MYO9A: variants seen among roughly 807,000 people sequenced by gnomAD.
MYO9A encodes the protein unconventional myosin-IXa.
MYO9A carries 103 observed loss-of-function variants against 293.3 expected under a neutral mutation model. The ratio of observed to expected loss-of-function variants is 0.35; its 90% CI spans 0.30 to 0.41. The LOEUF (loss-of-function observed/expected upper bound fraction) is 0.41. MYO9A is among the 10% of genes least tolerant of loss of function. The pLI is 1.00. For missense variants in MYO9A, 2,685 were observed against 3,033.0 expected, an observed-to-expected ratio of 0.89 and a Z score of 2.69; for synonymous variants, 1,001 against 1,035.7, an observed-to-expected ratio of 0.97 and a Z score of 0.64.
At chr15:72,085,768 C>A (rs1596539473) in intron 1 of MYO9A, among the ~76,000 whole-genome samples, 1 of 152,316 alleles carries the variant, frequency 6.6e-6, no homozygotes, top group Non-Finnish European at 1.5e-5. Context: ...TTCCTTCAAT[C>A]TTTGAAGATG....
intron 1 of MYO9A, among the ~76,000 whole-genome samples, chr15:72,078,630 AT>A (rs2079444029): frequency 6.6e-6 from 1 of 152,348 alleles, no homozygotes; most frequent in African/African-American, 2.4e-5. Flanking sequence ...CCTGGGCAAT[AT>A]GGTGAGAAAC....
chr15:71,883,385 T>C (rs533221843), intron 28 of MYO9A, among the ~76,000 whole-genome samples: 20 of 152,316 alleles, frequency 1.3e-4, no homozygotes, highest in African/African-American at 2.2e-4. Flanking sequence ...TGCTGCTTCA[T>C]TGTTTTGTGA....
chr15:71,912,845 T>C (rs141314792), intron 19 of MYO9A, among the ~76,000 whole-genome samples: 2 of 152,342 alleles, frequency 1.3e-5, no homozygotes, highest in East Asian at 3.9e-4. Context: ...ATGGCTTTGA[T>C]AGTTTCTGAT....
intron 38 of MYO9A, 101 bp downstream of exon 38, chr15:71,849,935 C>CCGAATTTA: frequency 3.2e-6 from 3 of 944,176 alleles, no homozygotes; most frequent in Non-Finnish European, 2.9e-6. Context: ...TTAAAAACAC[C>CCGAATTTA]TGAATTTATG....
chr15:72,071,950 G>C (rs1207504579), intron 1 of MYO9A, among the ~76,000 whole-genome samples: 1 of 150,000 alleles, frequency 6.7e-6, no homozygotes, highest in South Asian at 2.1e-4. Flanking sequence ...TATGCCTGTA[G>C]TCCCAGCTAT....
At chr15:72,105,523 T>G (rs1042113521) in intron 1 of MYO9A, among the ~76,000 whole-genome samples, 7 of 150,392 alleles carry the variant, frequency 4.7e-5, no homozygotes, top group African/African-American at 1.5e-4. Context: ...TTTTTTTTTT[T>G]TTTGAGACAG....
chr15:71,903,809 G>T, intron 21 of MYO9A, 120 bp downstream of exon 21: 1 of 827,616 alleles, frequency 1.2e-6, no homozygotes. Flanking sequence ...TATACAAAAC[G>T]TGAAATGGAA....
chr15:72,045,043 TC>T (rs1456085778), intron 2 of MYO9A: 4 of 152,236 alleles, frequency 2.6e-5, no homozygotes, highest in Admixed American at 2.0e-4. Context: ...CTTCATCTTC[TC>T]ACATCTATCA....
chr15:71,852,199 T>C lies in MYO9A; in HGVS notation c.6408A>G (p.Gln2136=). ...NIHVIASVFK[Q]WLRDLPNPLM... is the part of the protein sequence containing the mutation. ...GAGGATTGGGCAAATCTCGAAGCCA[T>C]TGTTTGAATACACTTGCAATGACGT... The change falls in exon 36 of 42, where the codon CAA becomes CAG. Residue 2136 remains glutamine (Q), a synonymous_variant. Transcript: ENST00000356056. 3 of 1,613,628 alleles carry C rather than the reference T, an allele frequency of 1.9e-6. No homozygotes were observed. The highest frequency in any genetic ancestry group is 2.2e-5 in the South Asian group (2 of 91,044).
chr15:71,845,167 T>C (rs2055329304), intron 39 of MYO9A, among the ~76,000 whole-genome samples: 1 of 152,186 alleles, frequency 6.6e-6, no homozygotes, highest in Non-Finnish European at 1.5e-5. Context: ...AGAGATCCTT[T>C]ATCCAAGGCT....
chr15:72,063,058 G>A (rs1389961411), intron 1 of MYO9A, among the ~76,000 whole-genome samples: 2 of 152,122 alleles, frequency 1.3e-5, no homozygotes, highest in African/African-American at 4.8e-5. Flanking sequence ...AACAACAGAC[G>A]AATGAAACAG....
At chr15:71,862,436 G>C in intron 33 of MYO9A, 64 bp downstream of exon 33, 1 of 1,280,856 alleles carries the variant, frequency 7.8e-7, no homozygotes, top group Non-Finnish European at 1.1e-6. Flanking sequence ...GGAGATATAA[G>C]ACAACTCAAG....
At chr15:71,849,777 G>A (rs1270397814) in intron 38 of MYO9A, among the ~76,000 whole-genome samples, 1 of 151,836 alleles carries the variant, frequency 6.6e-6, no homozygotes. Flanking sequence ...TGGTAAAATG[G>A]AAATTTAAAA....
At chr15:72,065,645 T>G (rs2150069825) in intron 1 of MYO9A, among the ~76,000 whole-genome samples, 1 of 151,802 alleles carries the variant, frequency 6.6e-6, no homozygotes, top group Admixed American at 6.6e-5. Flanking sequence ...ATTAAGAACT[T>G]CTATTCAATT....
At chr15:72,010,497 T>C in intron 6 of MYO9A, 50 bp from the exon 7 acceptor site, 1 of 1,474,032 alleles carries the variant, frequency 6.8e-7, no homozygotes, top group Non-Finnish European at 9.3e-7. Context: ...TATTTTAAAA[T>C]AATGTGGGCC....
chr15:72,005,933 C>G (rs1201527717), intron 8 of MYO9A, among the ~76,000 whole-genome samples: 1 of 152,128 alleles, frequency 6.6e-6, no homozygotes, highest in African/African-American at 2.4e-5. Flanking sequence ...TTTAAAAAAG[C>G]AAGTTATTCA....
At chr15:72,101,338 CG>C (rs2080308331) in intron 1 of MYO9A, among the ~76,000 whole-genome samples, 1 of 78,502 alleles carries the variant, frequency 1.3e-5, no homozygotes, top group South Asian at 4.3e-4. Flanking sequence ...GGAGGGAGGT[CG>C]GGGCGTCAGC....
chr15:71,884,297 C>T (rs901139510), intron 27 of MYO9A, among the ~76,000 whole-genome samples: 3 of 152,100 alleles, frequency 2.0e-5, no homozygotes, highest in Admixed American at 2.0e-4. Context: ...TAAATCTTTC[C>T]ACTCACCATT....
At chr15:72,077,746 AAAAAAAATAT>A (rs1451610713) in intron 1 of MYO9A, among the ~76,000 whole-genome samples, 329 of 42,420 alleles carry the variant, frequency 7.8e-3, no homozygotes, top group African/African-American at 0.011. Flanking sequence ...AAAAAAAAAA[AAAAAAAATAT>A]ATATATATAT....
Sources: gnomAD v4.1 joint callset for allele counts (sites outside exome capture counted in the v4.1 genomes callset) on GRCh38, gnomAD v4.1.1 for gene constraint, MANE v1.5 for transcripts, NCBI Gene and HGNC (gene_info 2026-07-23, HGNC 2026-07-21) for gene names.